The following CDH23 variants were observed in gnomAD, a reference collection of about 807,000 sequenced individuals.
CDH23 encodes the protein cadherin-23.
CDH23 carries 189 observed loss-of-function variants against 317.1 expected under a neutral mutation model. That is an observed-to-expected ratio of 0.60 (90% confidence interval 0.53 to 0.67). CDH23 has a LOEUF of 0.67. CDH23 is among the 30% of genes least tolerant of loss of function. The pLI is 0.00. For synonymous variants in CDH23, 1,839 were observed against 1,876.8 expected (o/e 0.98, Z 0.52); for missense variants, 4,401 against 4,592.4 (o/e 0.96, Z 1.20).
At chr10:71,622,685 C>G (rs1400931903) in intron 11 of CDH23, among the ~76,000 whole-genome samples, 5 of 152,216 alleles carry the variant, frequency 3.3e-5, no homozygotes, top group Non-Finnish European at 5.9e-5. Context: ...GGAGAAATAC[C>G]ATTTGCGGAT....
At chr10:71,783,252 C>A (rs1214173112) in intron 41 of CDH23, among the ~76,000 whole-genome samples, 2 of 152,232 alleles carry the variant, frequency 1.3e-5, no homozygotes, top group African/African-American at 4.8e-5. Context: ...ACAGCCCCCA[C>A]CATTCTTGCC....
At chr10:71,733,250 G>C (rs895246464) in intron 32 of CDH23, among the ~76,000 whole-genome samples, 8 of 152,180 alleles carry the variant, frequency 5.3e-5, no homozygotes, top group African/African-American at 1.9e-4. Context: ...TGGGAGAAGG[G>C]GCCCAGAGCT....
rs762787693 is a variant in CDH23 at position 71,807,930 on chromosome 10, T to C, written c.8645T>C (p.Phe2882Ser). Residue 2882 changes from phenylalanine to serine, a missense_variant, in exon 60 of 70, where the codon TTC becomes TCC. Around this residue, in one of 3 missense-constraint regions of CDH23, gnomAD observed 1,144 missense variants for 1,138.2 expected, o/e 1.01. Transcript: ENST00000224721. ...GACATTGGCAACAACAGCCTTGTCT[T>C]CTACAGCATTCTGGCCATCCACTAC... ...DADIGNNSLV[F>S]YSILAIHYFR... 1 of 1,602,786 alleles carries C rather than the reference T, an allele frequency of 6.2e-7. No homozygotes were observed. Among genetic ancestry groups the C allele is most frequent in the Non-Finnish European group, 8.5e-7 (1 of 1,174,672 alleles).
intron 9 of CDH23, among the ~76,000 whole-genome samples, chr10:71,589,427 T>A (rs1476392414): frequency 6.6e-6 from 1 of 152,160 alleles, no homozygotes; most frequent in Non-Finnish European, 1.5e-5. Context: ...CTAAAGCAAT[T>A]TTTTTAAAAG....
chr10:71,467,809 A>G (rs1306479884), intron 3 of CDH23, among the ~76,000 whole-genome samples: 1 of 152,132 alleles, frequency 6.6e-6, no homozygotes, highest in Non-Finnish European at 1.5e-5. Context: ...TATTATCCCC[A>G]CTGCGCAGAG....
chr10:71,496,292 G>A (rs1185345987), intron 3 of CDH23, among the ~76,000 whole-genome samples: 1 of 152,078 alleles, frequency 6.6e-6, no homozygotes, highest in Non-Finnish European at 1.5e-5. Flanking sequence ...TTAATATTGG[G>A]ATTGGAAAAT....
At chr10:71,460,245 C>A (rs1227232109) in intron 3 of CDH23, among the ~76,000 whole-genome samples, 2 of 152,210 alleles carry the variant, frequency 1.3e-5, no homozygotes, top group Admixed American at 1.3e-4. Flanking sequence ...GTACAGGGTC[C>A]CCACCTACCA....
At chr10:71,530,056 C>A (rs1050943879) in intron 6 of CDH23, among the ~76,000 whole-genome samples, 1 of 151,766 alleles carries the variant, frequency 6.6e-6, no homozygotes, top group Non-Finnish European at 1.5e-5. Context: ...CACACACACA[C>A]ACACACACAC....
At chr10:71,425,181 A>G (rs1235867092) in intron 1 of CDH23, among the ~76,000 whole-genome samples, 2 of 125,772 alleles carry the variant, frequency 1.6e-5, no homozygotes, top group Non-Finnish European at 3.3e-5. Flanking sequence ...GTGAGGGTGG[A>G]AGGGGAGGAA....
At chr10:71,746,039 G>GTATGTGT (rs1307924525) in intron 38 of CDH23, among the ~76,000 whole-genome samples, 2 of 152,230 alleles carry the variant, frequency 1.3e-5, no homozygotes, top group Non-Finnish European at 2.9e-5. Flanking sequence ...CCAACACCAA[G>GTATGTGT]TATGTGTTAT....
intron 6 of CDH23, among the ~76,000 whole-genome samples, chr10:71,534,338 C>A (rs1855579439): frequency 6.6e-6 from 1 of 152,216 alleles, no homozygotes; most frequent in African/African-American, 2.4e-5. Flanking sequence ...TTTCTTGCCA[C>A]TCTCATGTCT....
chr10:71,686,675 C>T (rs1864912666), intron 18 of CDH23, among the ~76,000 whole-genome samples: 1 of 152,128 alleles, frequency 6.6e-6, no homozygotes, highest in Non-Finnish European at 1.5e-5. Context: ...CAGGAACTGC[C>T]AAAGACTGTA....
intron 48 of CDH23, 24 bp downstream of exon 48, chr10:71,793,664 A>C: frequency 6.7e-7 from 1 of 1,485,136 alleles, no homozygotes. Context: ...CACCCCTCCC[A>C]CCTCCCTCCC....
rs1866231570 is a variant in CDH23 at position 71,716,276 on chromosome 10, G to A, written c.3369+3463G>A. On this transcript the variant is annotated intron_variant, in intron 28 of 69. Transcript: ENST00000224721. ...AAGGGTCCCGGGAGTGACGGGAGCT[G>A]AGAGAAAGGCGAGGGGGCTGATGGC... is the stretch of plus-strand genomic sequence containing the variant. 7.8e-6 allele frequency: 12 copies of A among 1,534,600 alleles called. No individual in the cohort carries two copies. In the East Asian group the frequency reaches 3.0e-4, roughly 38 times the overall value.
At chr10:71,527,134 G>T (rs867958792) in intron 6 of CDH23, among the ~76,000 whole-genome samples, 1 of 152,238 alleles carries the variant, frequency 6.6e-6, no homozygotes, top group Non-Finnish European at 1.5e-5. Flanking sequence ...AGGACAGAGT[G>T]GGGTGGGGAT....
rs1420554855 is a variant in CDH23, at chr10:71,731,840, A to C, written c.3716-147A>C. 4.0e-6 allele frequency: 3 copies of C among 751,524 alleles called. No homozygotes were observed. The Admixed American group carries it at 8.2e-5, about 20-fold the overall frequency. 46.6% of individuals were successfully genotyped at this position (751,524 alleles called of 1,614,324 possible). ...TTGACCTTAACACATCCTCTGCTGC[A>C]TCTCTGAGGATGATCCTGCCGGCAG... On this transcript the variant is annotated intron_variant, in intron 31 of 69. Transcript: ENST00000224721.
rs760494194 is a variant in CDH23, at chr10:71,617,251, C to A, written c.992C>A (p.Thr331Asn). 4 of 1,613,900 alleles carry A rather than the reference C, an allele frequency of 2.5e-6. No individual in the cohort carries two copies. The African/African-American group carries it at 5.3e-5, about 22-fold the overall frequency. ...DDRTPSDATV[T>N]TTFNILVIDI... ...CGCACCCCATCTGACGCTACAGTCA[C>A]CACGACCTTCAATATCCTGGTTATT... is the stretch of plus-strand genomic sequence containing the variant. The change falls in exon 11 of 70, where the codon ACC becomes AAC. Residue 331 changes from threonine to asparagine, a missense_variant. By Grantham distance (65) the Thr-to-Asn change is moderately conservative. This residue lies in a region of CDH23 where 3,068 missense variants were observed against 3,203.3 expected (regional missense o/e 0.96). Transcript: ENST00000224721.
chr10:71,439,971 G>C (rs1403790717), intron 2 of CDH23, 73 bp downstream of exon 2: 3 of 1,216,724 alleles, frequency 2.5e-6, no homozygotes, highest in South Asian at 1.3e-5. Context: ...GGGTGTTGGG[G>C]CTGGTGGTTC....
intron 1 of CDH23, among the ~76,000 whole-genome samples, chr10:71,403,628 T>A (rs1847961314): frequency 6.6e-6 from 1 of 150,802 alleles, no homozygotes; most frequent in Non-Finnish European, 1.5e-5. Flanking sequence ...GTGATTCTCC[T>A]GCCTCAGCCT....
Sources: allele counts gnomAD v4.1 joint callset (sites outside exome capture counted in the v4.1 genomes callset), GRCh38; gene constraint gnomAD v4.1.1; regional missense constraint gnomAD v4.1.1; transcripts MANE v1.5; gene names NCBI Gene and HGNC (gene_info 2026-07-23, HGNC 2026-07-21).